Variants in TLE4 observed in about 807,000 individuals in gnomAD.
The protein encoded by TLE4 is transducin-like enhancer protein 4.
Under a neutral mutation model 92.8 loss-of-function variants are expected in TLE4, and 8 were observed. That is an observed-to-expected ratio of 0.09 (90% CI 0.05 to 0.16). TLE4 has a LOEUF of 0.16. TLE4 is among the 10% of genes least tolerant of loss of function. The pLI is 1.00. For synonymous variants in TLE4, 371 were observed against 374.1 expected, an observed-to-expected ratio of 0.99 and a Z score of 0.10; for missense variants, 675 against 997.6, an observed-to-expected ratio of 0.68 and a Z score of 4.36.
At chr9:79,680,941 G>T (rs934402284) in intron 8 of TLE4, among the ~76,000 whole-genome samples, 1 of 152,068 alleles carries the variant, frequency 6.6e-6, no homozygotes, top group Non-Finnish European at 1.5e-5. Flanking sequence ...ATTGATTTGC[G>T]TTTGTTGAAC....
chr9:79,601,614 T>C (rs1242810887), intron 4 of TLE4: 1 of 390,434 alleles, frequency 2.6e-6, no homozygotes, highest in Non-Finnish European at 5.1e-6. Flanking sequence ...TAGAGTGCCG[T>C]GAACTGTGCC....
At chr9:79,720,343 C>T (rs1364729965) in intron 16 of TLE4, 50 bp downstream of exon 16, 1 of 1,562,110 alleles carries the variant, frequency 6.4e-7, no homozygotes. Context: ...CCGATTTTAC[C>T]ATATTTTGCC....
At chr9:79,719,089 C>T in intron 15 of TLE4, 118 bp downstream of exon 15, 1 of 1,402,968 alleles carries the variant, frequency 7.1e-7, no homozygotes, top group South Asian at 1.5e-5. Flanking sequence ...GATAGTTGCT[C>T]TTCAGGGGAC....
chr9:79,660,266 G>C (rs909641376), intron 8 of TLE4, among the ~76,000 whole-genome samples: 1 of 152,178 alleles, frequency 6.6e-6, no homozygotes, highest in African/African-American at 2.4e-5. Context: ...ATTCTTCCAA[G>C]TATTTGGAAT....
Position 79,718,857 on chromosome 9 carries a change from G to T in TLE4, c.1476G>T (p.Ala492=), listed in dbSNP as rs750633734. Residue 492 remains alanine (A), a synonymous_variant, in exon 15 of 20, where the codon GCG becomes GCT. Coordinates refer to ENST00000376552, the MANE Select transcript of TLE4 (RefSeq NM_007005.6). ...TCAACCACGGGGAGGTGGTGTGCGCGGTGACCATCAGCAACCCCACGAGAC... is the reference window on the plus strand; with the variant it reads ...TCAACCACGGGGAGGTGGTGTGCGCTGTGACCATCAGCAACCCCACGAGAC... ...NTLNHGEVVC[A]VTISNPTRHV... is the part of the protein sequence containing the mutation. 2.5e-6 allele frequency: 4 copies of T among 1,614,150 alleles called. No homozygotes were observed. The highest frequency in any genetic ancestry group is 2.2e-5 in the East Asian group (1 of 44,868).
At chr9:79,718,483 T>G (rs1734556023) in intron 14 of TLE4, among the ~76,000 whole-genome samples, 1 of 152,172 alleles carries the variant, frequency 6.6e-6, no homozygotes, top group African/African-American at 2.4e-5. Flanking sequence ...GTTTAGAGAT[T>G]CTAAGTAACT....
intron 4 of TLE4, among the ~76,000 whole-genome samples, chr9:79,587,589 T>C (rs898658002): frequency 3.9e-5 from 6 of 152,194 alleles, no homozygotes; most frequent in Admixed American, 3.9e-4. Flanking sequence ...AGCCAGGTTT[T>C]TTTTTGTTTT....
At chr9:79,611,714 CTG>C (rs907513236) in intron 4 of TLE4, among the ~76,000 whole-genome samples, 6 of 151,856 alleles carry the variant, frequency 4.0e-5, no homozygotes, top group Admixed American at 6.6e-5. Context: ...TTAAAAAAAA[CTG>C]TGTATTTATA....
intron 6 of TLE4, among the ~76,000 whole-genome samples, chr9:79,633,687 G>C (rs2054930348): frequency 6.6e-6 from 1 of 152,146 alleles, no homozygotes; most frequent in Non-Finnish European, 1.5e-5. Flanking sequence ...CCATTTTATA[G>C]GTTGTTTTGT....
Position 79,652,718 on chromosome 9 carries a change from C to G in TLE4, c.516C>G (p.Leu172=). Residue 172 remains leucine (L), a synonymous_variant, in exon 7 of 20, where the codon CTC becomes CTG. Transcript: ENST00000376552. The stretch of plus-strand genomic sequence containing the variant: ...GTAGCAGTGCCGGGCTTCTGGCCCT[C>G]TCCAGTGCTCTAGGAGGTCAGTCCC... ...PIGSSAGLLA[L]SSALGGQSHL... 1.2e-6 allele frequency: 2 copies of G among 1,614,212 alleles called. No homozygotes were observed. The highest frequency in any genetic ancestry group is 1.1e-5 in the South Asian group (1 of 91,088).
intron 4 of TLE4, among the ~76,000 whole-genome samples, chr9:79,595,527 T>TA (rs1348827259): frequency 6.6e-6 from 1 of 152,214 alleles, no homozygotes; most frequent in Non-Finnish European, 1.5e-5. Flanking sequence ...TTAGAATACT[T>TA]AATCGGTCAA....
chr9:79,645,147 T>C (rs927752050), intron 6 of TLE4, among the ~76,000 whole-genome samples: 2 of 152,244 alleles, frequency 1.3e-5, no homozygotes, highest in Non-Finnish European at 2.9e-5. Context: ...ATTTGGCTCA[T>C]TGTCCTTTTG....
intron 14 of TLE4, among the ~76,000 whole-genome samples, chr9:79,712,256 C>A (rs1443124397): frequency 1.3e-5 from 2 of 152,080 alleles, no homozygotes; most frequent in Non-Finnish European, 1.5e-5. Context: ...GCAGAAGTGA[C>A]CCAAGAAGAT....
intron 4 of TLE4, among the ~76,000 whole-genome samples, chr9:79,592,198 T>TTCA (rs2042777119): frequency 7.2e-6 from 1 of 138,774 alleles, no homozygotes; most frequent in African/African-American, 3.0e-5. Context: ...CTTCTTCTTC[T>TTCA]TCTTCTTCTT....
chr9:79,573,334 G>T, intron 1 of TLE4: 1 of 1,081,880 alleles, frequency 9.2e-7, no homozygotes, highest in Non-Finnish European at 1.1e-6. Flanking sequence ...CCGACGCCAT[G>T]GCGCGGGTCC....
intron 8 of TLE4, among the ~76,000 whole-genome samples, chr9:79,672,817 G>GA (rs1421435146): frequency 6.6e-6 from 1 of 152,162 alleles, no homozygotes; most frequent in Non-Finnish European, 1.5e-5. Context: ...AAAGATAAGG[G>GA]AAAGGAGCAT....
intron 8 of TLE4, among the ~76,000 whole-genome samples, chr9:79,670,465 CTGT>C (rs1280561845): frequency 6.6e-6 from 1 of 152,172 alleles, no homozygotes; most frequent in African/African-American, 2.4e-5. Flanking sequence ...TGTAAAAGAC[CTGT>C]TTTACAGACA....
At chr9:79,679,679 G>A (rs1228798871) in intron 8 of TLE4, among the ~76,000 whole-genome samples, 2 of 152,168 alleles carry the variant, frequency 1.3e-5, no homozygotes, top group African/African-American at 4.8e-5. Flanking sequence ...TTTTAGACAT[G>A]AAATCCTTGC....
At chr9:79,717,962 T>C (rs1303668011) in intron 14 of TLE4, 1 of 456,502 alleles carries the variant, frequency 2.2e-6, no homozygotes, top group East Asian at 7.0e-5. Context: ...AATGAGTCTG[T>C]TGGGGGAGAC....
Sources: allele counts gnomAD v4.1 joint callset (sites outside exome capture counted in the v4.1 genomes callset), GRCh38; gene constraint gnomAD v4.1.1; transcripts MANE v1.5; gene names NCBI Gene and HGNC (gene_info 2026-07-23, HGNC 2026-07-21).